Variants in CTNNA3 observed in about 807,000 individuals in gnomAD.
CTNNA3 encodes catenin alpha-3.
A neutral mutation model predicts 95.7 loss-of-function variants in CTNNA3; 76 were observed. The ratio of observed to expected loss-of-function variants is 0.79; its 90% CI spans 0.66 to 0.96. CTNNA3 has a LOEUF of 0.96. CTNNA3 is among the 40% of genes least tolerant of loss of function. The pLI is 0.00. For missense variants in CTNNA3, 1,191 were observed against 1,089.8 expected (o/e 1.09, Z -1.31); for synonymous variants, 431 against 374.4 (o/e 1.15, Z -1.74).
chr10:67,261,465 G>C (rs186185164), intron 5 of CTNNA3, among the ~76,000 whole-genome samples: 1 of 152,190 alleles, frequency 6.6e-6, no homozygotes, highest in Non-Finnish European at 1.5e-5. Flanking sequence ...CCAAGAGTGA[G>C]GCATTTTGCG....
intron 5 of CTNNA3, among the ~76,000 whole-genome samples, chr10:67,301,169 G>A (rs187206455): frequency 3.5e-4 from 53 of 152,246 alleles, no homozygotes; most frequent in Middle Eastern, 3.4e-3. Flanking sequence ...GGAGAGCTTC[G>A]TTTGTCCACA....
At chr10:66,615,071 G>T (rs1011460576) in intron 10 of CTNNA3, among the ~76,000 whole-genome samples, 2 of 151,892 alleles carry the variant, frequency 1.3e-5, no homozygotes, top group Admixed American at 1.3e-4. Context: ...TGAGGTGATA[G>T]CTCACTATGG....
intron 13 of CTNNA3, among the ~76,000 whole-genome samples, chr10:66,268,860 C>T (rs2091215998): frequency 6.6e-6 from 1 of 152,112 alleles, no homozygotes; most frequent in Non-Finnish European, 1.5e-5. Flanking sequence ...ACATGGAGGC[C>T]AGCTTATACA....
rs900845561 is a variant in CTNNA3 at position 66,010,920 on chromosome 10, A to T, written c.2160-22123T>A. 1.8e-4 allele frequency among the ~76,000 whole-genome samples: 27 copies of T among 152,168 alleles called. 1 individual carries two copies. The highest frequency in any genetic ancestry group is 1.5e-5 in the Non-Finnish European group (1 of 68,034). On this transcript the variant is annotated intron_variant, in intron 15 of 17. Transcript: ENST00000433211. ...AACTAGAATGCATGTCAACCAACTA[A>T]GAAGAGATTCTTAGTAGGCATAAGC...
intron 7 of CTNNA3, among the ~76,000 whole-genome samples, chr10:66,998,713 T>C (rs1851509381): frequency 6.6e-6 from 1 of 152,096 alleles, no homozygotes; most frequent in African/African-American, 2.4e-5. Context: ...ATATACAAAG[T>C]AAAATTGAGA....
intron 7 of CTNNA3, among the ~76,000 whole-genome samples, chr10:67,047,031 G>A (rs528054933): frequency 6.6e-6 from 1 of 152,256 alleles, no homozygotes; most frequent in African/African-American, 2.4e-5. Context: ...ATATATTCAG[G>A]GTCCAGGAGC....
chr10:67,691,925 C>CGGGA (rs1840867836), intron 1 of CTNNA3, among the ~76,000 whole-genome samples: 1 of 149,168 alleles, frequency 6.7e-6, no homozygotes, highest in African/African-American at 2.5e-5. Context: ...CCACCCCGTC[C>CGGGA]GGGAGGGAGG....
intron 7 of CTNNA3, among the ~76,000 whole-genome samples, chr10:67,008,181 T>A (rs1007403508): frequency 6.6e-6 from 1 of 152,094 alleles, no homozygotes; most frequent in Non-Finnish European, 1.5e-5. Flanking sequence ...CAGGAAAAAC[T>A]TATGCTTTAA....
chr10:67,006,556 A>C (rs1289219538), intron 7 of CTNNA3, among the ~76,000 whole-genome samples: 2 of 152,046 alleles, frequency 1.3e-5, no homozygotes, highest in East Asian at 1.9e-4. Flanking sequence ...TATAACTTCA[A>C]CCTCTACCTG....
intron 13 of CTNNA3, among the ~76,000 whole-genome samples, chr10:66,177,554 G>A (rs2085780559): frequency 6.6e-6 from 1 of 151,866 alleles, no homozygotes; most frequent in Non-Finnish European, 1.5e-5. Flanking sequence ...AAGCGATTTT[G>A]TTAATGATTT....
At chr10:65,991,459 G>A (rs1298664894) in intron 15 of CTNNA3, among the ~76,000 whole-genome samples, 1 of 151,036 alleles carries the variant, frequency 6.6e-6, no homozygotes, top group African/African-American at 2.4e-5. Context: ...TTATAGTTTT[G>A]TTTGTAGAGG....
At chr10:66,426,985 T>C (rs994846097) in intron 11 of CTNNA3, among the ~76,000 whole-genome samples, 1 of 152,070 alleles carries the variant, frequency 6.6e-6, no homozygotes, top group Non-Finnish European at 1.5e-5. Context: ...AATATTCTGA[T>C]ATTTCATTTA....
At chr10:66,580,485 T>C (rs957440315) in intron 10 of CTNNA3, among the ~76,000 whole-genome samples, 1 of 151,776 alleles carries the variant, frequency 6.6e-6, no homozygotes, top group African/African-American at 2.4e-5. Flanking sequence ...TGTTCAAGGA[T>C]GTTTATGATT....
chr10:67,065,396 A>G (rs1856014763), intron 7 of CTNNA3, among the ~76,000 whole-genome samples: 1 of 152,190 alleles, frequency 6.6e-6, no homozygotes, highest in Non-Finnish European at 1.5e-5. Flanking sequence ...AAGGGCATTG[A>G]TTATTTTCTC....
intron 5 of CTNNA3, among the ~76,000 whole-genome samples, chr10:67,478,533 C>A (rs1848102401): frequency 6.6e-6 from 1 of 152,074 alleles, no homozygotes. Context: ...CTAAATTAAT[C>A]TTCATAAGTG....
chr10:65,929,384 A>G (rs1471680746), intron 17 of CTNNA3, among the ~76,000 whole-genome samples: 1 of 152,152 alleles, frequency 6.6e-6, no homozygotes, highest in East Asian at 1.9e-4. Context: ...CAACTCTGCC[A>G]CATTCTAAAT....
At chr10:67,325,147 G>C (rs1841489966) in intron 5 of CTNNA3, among the ~76,000 whole-genome samples, 1 of 151,718 alleles carries the variant, frequency 6.6e-6, no homozygotes, top group Non-Finnish European at 1.5e-5. Flanking sequence ...TATTAGTCTA[G>C]CTAGTGGTCT....
chr10:66,940,761 C>T (rs1811517672), intron 7 of CTNNA3, among the ~76,000 whole-genome samples: 1 of 152,000 alleles, frequency 6.6e-6, no homozygotes, highest in African/African-American at 2.4e-5. Flanking sequence ...GCTCAGTTCA[C>T]AGTAGCCCAC....
chr10:67,504,133 G>A (rs985178633), intron 5 of CTNNA3, among the ~76,000 whole-genome samples: 6 of 148,234 alleles, frequency 4.0e-5, no homozygotes, highest in Non-Finnish European at 8.9e-5. Flanking sequence ...CTCCAGCCTG[G>A]GCAACAGAGC....
Sources: gnomAD v4.1 joint callset for allele counts (sites outside exome capture counted in the v4.1 genomes callset) on GRCh38, gnomAD v4.1.1 for gene constraint, MANE v1.5 for transcripts, NCBI Gene and HGNC (gene_info 2026-07-23, HGNC 2026-07-21) for gene names.